The following TNS3 variants were observed in gnomAD, a reference collection of about 807,000 sequenced individuals.
The protein encoded by TNS3 is tensin-3.
Under a neutral mutation model 140.9 loss-of-function variants are expected in TNS3, and 45 were observed. The observed-to-expected ratio is 0.32, with a 90% confidence interval of 0.25 to 0.41. TNS3 has a LOEUF of 0.41. Among genes scored for constraint, TNS3 ranks in the 10% least tolerant of loss-of-function variants. The pLI is 1.00. For missense variants in TNS3, 1,716 were observed against 1,906.7 expected, an observed-to-expected ratio of 0.90 and a Z score of 1.86; for synonymous variants, 815 against 788.4, an observed-to-expected ratio of 1.03 and a Z score of -0.56.
At chr7:47,448,398 G>C (rs1011385627) in intron 4 of TNS3, among the ~76,000 whole-genome samples, 1 of 152,180 alleles carries the variant, frequency 6.6e-6, no homozygotes, top group African/African-American at 2.4e-5. Flanking sequence ...CTGAGGATCT[G>C]GGAGCCCCCA....
intron 1 of TNS3, among the ~76,000 whole-genome samples, chr7:47,541,673 G>A (rs1233010717): frequency 1.3e-5 from 2 of 152,146 alleles, no homozygotes. Context: ...CCGAGGCCGG[G>A]CGCAGTGACT....
chr7:47,426,531 T>G (rs1333049660), intron 9 of TNS3, among the ~76,000 whole-genome samples: 1 of 152,212 alleles, frequency 6.6e-6, no homozygotes, highest in African/African-American at 2.4e-5. Flanking sequence ...AGCCAATACC[T>G]GAGTACCGAT....
chr7:47,278,594 T>A (rs1784981013), intron 30 of TNS3: 1 of 183,508 alleles, frequency 5.4e-6, no homozygotes, highest in African/African-American at 2.4e-5. Context: ...AGTCCTGACA[T>A]ACTGGACCAC....
intron 7 of TNS3, among the ~76,000 whole-genome samples, chr7:47,435,946 G>A (rs1442541690): frequency 1.3e-5 from 2 of 152,212 alleles, no homozygotes; most frequent in Non-Finnish European, 2.9e-5. Context: ...ACAGTGACTC[G>A]GTGCAGAACT....
chr7:47,487,730 T>C (rs73328562), intron 3 of TNS3, among the ~76,000 whole-genome samples: 22,450 of 152,196 alleles, frequency 0.15, 2,502 homozygotes, highest in African/African-American at 0.29. Context: ...CATCACCTTA[T>C]GCACAAGTTC....
intron 1 of TNS3, among the ~76,000 whole-genome samples, chr7:47,554,319 G>A (rs1349450298): frequency 6.6e-6 from 1 of 151,286 alleles, no homozygotes; most frequent in Non-Finnish European, 1.5e-5. Context: ...TCGGGAGGCC[G>A]AGACAGGAGA....
chr7:47,499,939 G>A (rs571378602), intron 3 of TNS3, among the ~76,000 whole-genome samples: 6 of 152,288 alleles, frequency 3.9e-5, no homozygotes, highest in South Asian at 4.2e-4. Flanking sequence ...GTCTCTGTGC[G>A]TGAATATGCA....
intron 22 of TNS3, 77 bp downstream of exon 22, chr7:47,302,873 C>T: frequency 6.6e-7 from 1 of 1,507,188 alleles, no homozygotes; most frequent in African/African-American, 1.4e-5. Flanking sequence ...TATGCCAGCT[C>T]AGCTGCAGGT....
At chr7:47,512,896 G>A (rs1439978299) in intron 2 of TNS3, among the ~76,000 whole-genome samples, 2 of 152,304 alleles carry the variant, frequency 1.3e-5, no homozygotes, top group African/African-American at 4.8e-5. Context: ...ACAAGAGTAT[G>A]AACTAAATGA....
intron 13 of TNS3, among the ~76,000 whole-genome samples, chr7:47,408,746 C>T (rs1793586102): frequency 6.6e-6 from 1 of 152,212 alleles, no homozygotes; most frequent in Non-Finnish European, 1.5e-5. Context: ...CAACGACTTT[C>T]CTTGCAAGAC....
intron 16 of TNS3, among the ~76,000 whole-genome samples, chr7:47,381,938 T>C (rs1275234160): frequency 6.6e-6 from 1 of 152,174 alleles, no homozygotes; most frequent in Non-Finnish European, 1.5e-5. Context: ...AGAATACACA[T>C]CAAACGAAAA....
At chr7:47,487,992 C>T (rs1372446379) in intron 3 of TNS3, among the ~76,000 whole-genome samples, 2 of 152,090 alleles carry the variant, frequency 1.3e-5, no homozygotes, top group African/African-American at 2.4e-5. Context: ...ACCACCAGGA[C>T]CTTACGATAT....
rs373038536 is a variant in TNS3, at chr7:47,439,474, G to A, written c.150+13C>T. 1.4e-5 allele frequency: 23 copies of A among 1,612,642 alleles called. No individual in the cohort carries two copies. The highest frequency in any genetic ancestry group is 2.2e-5 in the South Asian group (2 of 90,768). On this transcript the variant is annotated intron_variant, in intron 6 of 30. Transcript: ENST00000311160. ...AGCCTGCCCAAAGGCTCCCAGAGCCGCCCACCGCTCACCAGGTAGTTGTCC... is the reference window on the plus strand; with the variant it reads ...AGCCTGCCCAAAGGCTCCCAGAGCCACCCACCGCTCACCAGGTAGTTGTCC...
chr7:47,329,139 G>A (rs900329205), intron 20 of TNS3, among the ~76,000 whole-genome samples: 3 of 152,134 alleles, frequency 2.0e-5, no homozygotes, highest in African/African-American at 7.2e-5. Context: ...CCACATGGCA[G>A]AACATAGGGG....
chr7:47,398,004 G>A (rs530088267), intron 15 of TNS3, among the ~76,000 whole-genome samples: 10 of 152,026 alleles, frequency 6.6e-5, no homozygotes, highest in East Asian at 3.9e-4. Flanking sequence ...CAACCAGCAC[G>A]AAAGATCATT....
intron 15 of TNS3, among the ~76,000 whole-genome samples, chr7:47,399,565 A>T (rs1279233667): frequency 6.6e-6 from 1 of 152,222 alleles, no homozygotes; most frequent in East Asian, 1.9e-4. Context: ...AAAAACATAA[A>T]CTGGGGAAAG....
chr7:47,501,326 T>G (rs1798216901), intron 3 of TNS3, among the ~76,000 whole-genome samples: 1 of 152,150 alleles, frequency 6.6e-6, no homozygotes, highest in Admixed American at 6.5e-5. Flanking sequence ...TTACACCTTT[T>G]GGGGAGGTCA....
intron 2 of TNS3, among the ~76,000 whole-genome samples, chr7:47,528,150 C>T (rs1191686918): frequency 6.6e-6 from 1 of 152,200 alleles, no homozygotes. Flanking sequence ...CTCACCCACA[C>T]TCAGGCCTTT....
rs142920191 is a variant in TNS3 at position 47,371,812 on chromosome 7, T to A, written c.1025-2191A>T. Among the ~76,000 whole-genome samples the A allele has an allele frequency of 9.8e-5, 15 of 152,364 alleles. No individual in the cohort carries two copies. In the East Asian group the frequency reaches 2.9e-3, roughly 29 times the overall value. On this transcript the variant is annotated intron_variant, in intron 16 of 30. Transcript: ENST00000311160. ...GTGGTCCCTTGAAGAAGCTCTGGCA[T>A]CAGATGGACACTGGTTCAAATCCCA... is the stretch of plus-strand genomic sequence containing the variant.
Sources: allele counts gnomAD v4.1 joint callset (sites outside exome capture counted in the v4.1 genomes callset), GRCh38; gene constraint gnomAD v4.1.1; transcripts MANE v1.5; gene names NCBI Gene and HGNC (gene_info 2026-07-23, HGNC 2026-07-21).